Variants in SLC25A48 observed in about 807,000 individuals in gnomAD.
SLC25A48 encodes the protein CTC-321K16.1.
A neutral mutation model predicts 32.2 loss-of-function variants in SLC25A48; 29 were observed. The ratio of observed to expected loss-of-function variants is 0.90; its 90% CI spans 0.67 to 1.23. SLC25A48 has a LOEUF of 1.23. SLC25A48 is among the 50% of genes most tolerant of loss of function. SLC25A48 has a pLI of 0.00. For synonymous variants in SLC25A48, 164 were observed against 172.3 expected (o/e 0.95, Z 0.38); for missense variants, 399 against 422.7 (o/e 0.94, Z 0.49).
At chr5:135,764,241 C>T (rs942144069) in intron 3 of SLC25A48, among the ~76,000 whole-genome samples, 9 of 151,882 alleles carry the variant, frequency 5.9e-5, no homozygotes, top group Non-Finnish European at 1.3e-4. Flanking sequence ...TGTTACTCCC[C>T]ATATCGTGGG....
At chr5:135,652,490 A>G (rs1267929076) in intron 3 of SLC25A48, 2 of 455,250 alleles carry the variant, frequency 4.4e-6, no homozygotes, top group Non-Finnish European at 8.8e-6. Context: ...GGTGCAATGG[A>G]TTAATTCCCA....
intron 3 of SLC25A48, among the ~76,000 whole-genome samples, chr5:135,723,378 TCTCACA>T (rs1396958002): frequency 7.4e-5 from 4 of 54,412 alleles, no homozygotes; most frequent in African/African-American, 1.6e-4. Context: ...TCTCTCTCTC[TCTCACA>T]CACACACACA....
At chr5:135,787,056 C>T (rs2126628207) in intron 3 of SLC25A48, among the ~76,000 whole-genome samples, 1 of 151,902 alleles carries the variant, frequency 6.6e-6, no homozygotes, top group South Asian at 2.1e-4. Context: ...GGGTGTAACC[C>T]ATGTGTGTTC....
intron 3 of SLC25A48, among the ~76,000 whole-genome samples, chr5:135,708,668 C>A (rs905826543): frequency 2.0e-5 from 3 of 152,162 alleles, no homozygotes; most frequent in Admixed American, 1.3e-4. Flanking sequence ...TGCTGTGGTG[C>A]CCAGAGACTG....
At chr5:135,695,705 C>T (rs1754249038) in intron 3 of SLC25A48, among the ~76,000 whole-genome samples, 1 of 152,230 alleles carries the variant, frequency 6.6e-6, no homozygotes, top group Admixed American at 6.5e-5. Flanking sequence ...TGTGTTTCTT[C>T]TTGGACCCCA....
intron 7 of SLC25A48, among the ~76,000 whole-genome samples, chr5:135,882,678 C>T (rs1388268007): frequency 3.3e-5 from 5 of 152,072 alleles, no homozygotes; most frequent in East Asian, 1.9e-4. Context: ...AGTGGCATCC[C>T]GACCACTTAC....
intron 4 of SLC25A48, among the ~76,000 whole-genome samples, chr5:135,866,794 G>A (rs866179291): frequency 6.6e-6 from 1 of 152,204 alleles, no homozygotes; most frequent in African/African-American, 2.4e-5. Context: ...CACTTCCTAC[G>A]GCAGTGGGTT....
At chr5:135,818,597 A>C (rs1757796178) in intron 4 of SLC25A48, among the ~76,000 whole-genome samples, 1 of 152,210 alleles carries the variant, frequency 6.6e-6, no homozygotes, top group African/African-American at 2.4e-5. Flanking sequence ...TTCCTGATAA[A>C]GCTAAAACAT....
At chr5:135,590,856 A>T (rs1349733642) in intron 1 of SLC25A48, among the ~76,000 whole-genome samples, 1 of 152,234 alleles carries the variant, frequency 6.6e-6, no homozygotes, top group African/African-American at 2.4e-5. Context: ...TGCTTTACAG[A>T]CAACATCTCT....
chr5:135,671,073 C>T (rs562735929), intron 3 of SLC25A48, among the ~76,000 whole-genome samples: 100 of 152,222 alleles, frequency 6.6e-4, no homozygotes, highest in African/African-American at 2.3e-3. Context: ...TGTTGGGATA[C>T]ATGAAGTGGG....
intron 1 of SLC25A48, among the ~76,000 whole-genome samples, chr5:135,587,224 G>A (rs899871053): frequency 6.6e-6 from 1 of 152,076 alleles, no homozygotes; most frequent in African/African-American, 2.4e-5. Context: ...TAGAGACGGG[G>A]ATCTCACTAT....
chr5:135,787,790 G>A (rs1406600122), intron 3 of SLC25A48, among the ~76,000 whole-genome samples: 1 of 151,566 alleles, frequency 6.6e-6, no homozygotes, highest in Non-Finnish European at 1.5e-5. Flanking sequence ...ATCCTAGGGG[G>A]ATATTACTCC....
At chr5:135,774,429 G>A (rs1756495892) in intron 3 of SLC25A48, among the ~76,000 whole-genome samples, 1 of 151,702 alleles carries the variant, frequency 6.6e-6, no homozygotes, top group African/African-American at 2.4e-5. Context: ...ATCGCAGAGG[G>A]TGTACAACCC....
chr5:135,790,140 A>G (rs1015818081), intron 3 of SLC25A48, among the ~76,000 whole-genome samples: 3 of 151,472 alleles, frequency 2.0e-5, no homozygotes, highest in African/African-American at 7.3e-5. Context: ...TATAATTATT[A>G]ATTATTTTTC....
At chr5:135,625,365 G>A (rs1752420422) in intron 1 of SLC25A48, among the ~76,000 whole-genome samples, 1 of 152,150 alleles carries the variant, frequency 6.6e-6, no homozygotes, top group Admixed American at 6.5e-5. Flanking sequence ...AGTGGGGACA[G>A]AAGAGATGTG....
intron 3 of SLC25A48, among the ~76,000 whole-genome samples, chr5:135,769,903 A>T (rs969005789): frequency 1.3e-5 from 2 of 151,398 alleles, no homozygotes; most frequent in Non-Finnish European, 3.0e-5. Flanking sequence ...GGGGGTGTAC[A>T]CACCCCTGTG....
intron 3 of SLC25A48, among the ~76,000 whole-genome samples, chr5:135,757,756 A>G (rs922944036): frequency 1.6e-4 from 22 of 134,850 alleles, no homozygotes; most frequent in African/African-American, 7.0e-4. Context: ...TTAATAAAGT[A>G]TCATCTAGAT....
intron 2 of SLC25A48, among the ~76,000 whole-genome samples, chr5:135,843,166 G>T (rs2126707301): frequency 6.6e-6 from 1 of 152,342 alleles, no homozygotes; most frequent in Admixed American, 6.5e-5. Context: ...ACTTTAAGTA[G>T]TAAAGGGGGG....
chr5:135,659,589 C>T (rs1753339850), intron 3 of SLC25A48, among the ~76,000 whole-genome samples: 1 of 152,192 alleles, frequency 6.6e-6, no homozygotes, highest in African/African-American at 2.4e-5. Flanking sequence ...TAGCAATGCC[C>T]CCTTTCTGGT....
Sources: gnomAD v4.1 joint callset for allele counts (sites outside exome capture counted in the v4.1 genomes callset) on GRCh38, gnomAD v4.1.1 for gene constraint, MANE v1.5 for transcripts, NCBI Gene and HGNC (gene_info 2026-07-23, HGNC 2026-07-21) for gene names.